The following PTPRG variants were observed in gnomAD, a reference collection of about 807,000 sequenced individuals.
The protein encoded by PTPRG is protein tyrosine phosphatase receptor type G, also known as receptor-type tyrosine-protein phosphatase gamma.
PTPRG carries 102 observed loss-of-function variants against 165.3 expected under a neutral mutation model. That is an observed-to-expected ratio of 0.62 (90% CI 0.53 to 0.73). The LOEUF is 0.73. Among genes scored for constraint, PTPRG ranks in the 30% least tolerant of loss-of-function variants. The pLI, the probability that PTPRG is intolerant of heterozygous loss-of-function variation, is 0.00. For missense variants in PTPRG, 1,866 were observed against 1,861.4 expected, an observed-to-expected ratio of 1.00 and a Z score of -0.05; for synonymous variants, 675 against 669.5, an observed-to-expected ratio of 1.01 and a Z score of -0.13.
At chr3:62,130,545 T>C (rs1703476091) in intron 5 of PTPRG, among the ~76,000 whole-genome samples, 1 of 152,214 alleles carries the variant, frequency 6.6e-6, no homozygotes, top group Non-Finnish European at 1.5e-5. Flanking sequence ...ATAGTTAAGC[T>C]GGCATCCCCA....
At chr3:62,223,138 A>C (rs149943014) in intron 13 of PTPRG, among the ~76,000 whole-genome samples, 1 of 152,190 alleles carries the variant, frequency 6.6e-6, no homozygotes, top group Non-Finnish European at 1.5e-5. Context: ...GGGGACAGCA[A>C]GGGCCGGATC....
Position 62,267,401 on chromosome 3 carries a change from C to A in PTPRG, c.2657-9C>A. On this transcript the variant is annotated splice_polypyrimidine_tract_variant and intron_variant, in intron 17 of 29. Transcript: ENST00000474889. ...TTTTATTTCTGTTTTTTTTTCTTATCTTCTATAGATGATCACAGTAGGGTG... is the reference window on the plus strand; with the variant it reads ...TTTTATTTCTGTTTTTTTTTCTTATATTCTATAGATGATCACAGTAGGGTG... The A allele has an allele frequency of 1.3e-6, 2 of 1,568,932 alleles. No homozygotes were observed. Among genetic ancestry groups the A allele is most frequent in the South Asian group, 1.2e-5 (1 of 86,228 alleles).
intron 1 of PTPRG, among the ~76,000 whole-genome samples, chr3:61,576,677 AAG>A (rs1700179745): frequency 2.0e-5 from 3 of 152,208 alleles, no homozygotes; most frequent in Non-Finnish European, 2.9e-5. Flanking sequence ...TAGCATGAGA[AAG>A]AGAGGTGTAT....
rs79446264 is a variant in PTPRG, at chr3:61,653,906, C to T, written c.85+91534C>T. 2.6e-4 allele frequency among the ~76,000 whole-genome samples: 20 copies of T among 77,990 alleles called. No homozygotes were observed. In the East Asian group the frequency reaches 6.2e-3, roughly 24 times the overall value. 51.2% of individuals were successfully genotyped at this position (77,990 alleles called of 152,430 possible). On this transcript the variant is annotated intron_variant, in intron 1 of 29. Coordinates refer to ENST00000474889, the MANE Select transcript of PTPRG (RefSeq NM_002841.4). ...TTGTTAAGCGGGGAGCGGTGGGGGG[C>T]GCGGGGAACTGTAAGGGAACATGTA...
Position 62,219,060 on chromosome 3 carries a change from A to G in PTPRG, c.2288+77A>G. The stretch of plus-strand genomic sequence containing the variant: ...GTTTTGCTCACGGGAGGGGAATCCC[A>G]CGGCCTCTGCATTCAGGAAGGTGAG... On this transcript the variant is annotated intron_variant, in intron 13 of 29. Coordinates refer to ENST00000474889, the MANE Select transcript of PTPRG (RefSeq NM_002841.4). This position sits in a 1 kb window ranked among gnomAD's most constrained non-coding sequence, Gnocchi z 4.5. 6.5e-7 allele frequency: 1 copy of G among 1,549,450 alleles called. No individual in the cohort carries two copies. The highest frequency in any genetic ancestry group is 8.8e-7 in the Non-Finnish European group (1 of 1,139,144).
intron 2 of PTPRG, among the ~76,000 whole-genome samples, chr3:61,899,986 T>C (rs1340269393): frequency 2.0e-5 from 3 of 152,226 alleles, no homozygotes; most frequent in African/African-American, 7.2e-5. Context: ...CTTTAAAAAA[T>C]GACTGCAAAG....
At chr3:61,806,627 G>A (rs1221044676) in intron 2 of PTPRG, among the ~76,000 whole-genome samples, 1 of 152,094 alleles carries the variant, frequency 6.6e-6, no homozygotes, top group Non-Finnish European at 1.5e-5. Context: ...ATATGTGATA[G>A]GGTAGTTAGC....
rs1477486374 is a variant in PTPRG, at chr3:62,271,060, A to G, written c.3010-323A>G. ...GTACTAAGATCTGGACTTGGGGCAG[A>G]AAGTCAGGAAATGGAGGCCTTGCAG... On this transcript the variant is annotated intron_variant, in intron 20 of 29. Coordinates refer to ENST00000474889, the MANE Select transcript of PTPRG (RefSeq NM_002841.4). This position sits in a 1 kb window ranked among gnomAD's most constrained non-coding sequence, Gnocchi z 4.1. 1.3e-5 allele frequency among the ~76,000 whole-genome samples: 2 copies of G among 152,190 alleles called. No individual in the cohort carries two copies. Among genetic ancestry groups the G allele is most frequent in the Non-Finnish European group, 2.9e-5 (2 of 68,034 alleles).
At chr3:62,007,397 G>A (rs1275815174) in intron 4 of PTPRG, among the ~76,000 whole-genome samples, 4 of 152,188 alleles carry the variant, frequency 2.6e-5, no homozygotes, top group African/African-American at 7.2e-5. Flanking sequence ...AAAACAAGAC[G>A]AAAGCTCTTC....
intron 5 of PTPRG, among the ~76,000 whole-genome samples, chr3:62,080,075 T>TTTTC: frequency 6.7e-6 from 1 of 149,888 alleles, no homozygotes; most frequent in African/African-American, 2.5e-5. Flanking sequence ...TTTTTTTTTT[T>TTTTC]TTTTTTTGAG....
chr3:62,099,613 T>G (rs914144147), intron 5 of PTPRG, among the ~76,000 whole-genome samples: 2 of 152,106 alleles, frequency 1.3e-5, no homozygotes, highest in Admixed American at 1.3e-4. Flanking sequence ...AGACTTTTAA[T>G]GACATGAGCC....
chr3:61,659,876 T>C (rs1011101331), intron 1 of PTPRG, among the ~76,000 whole-genome samples: 1 of 152,148 alleles, frequency 6.6e-6, no homozygotes, highest in East Asian at 1.9e-4. Context: ...TAAGGAAAAC[T>C]AGAGTTTTTC....
intron 2 of PTPRG, among the ~76,000 whole-genome samples, chr3:61,821,489 C>G (rs927853564): frequency 1.3e-5 from 2 of 152,158 alleles, no homozygotes; most frequent in Non-Finnish European, 2.9e-5. Context: ...CTTAAGTTGA[C>G]AGAAAAGGAG....
At chr3:61,992,358 A>T (rs2040917367) in intron 3 of PTPRG, among the ~76,000 whole-genome samples, 3 of 151,802 alleles carry the variant, frequency 2.0e-5, no homozygotes, top group Admixed American at 2.0e-4. Flanking sequence ...AACTTCCTTC[A>T]TTTGGTAGGT....
intron 5 of PTPRG, among the ~76,000 whole-genome samples, chr3:62,120,947 G>A (rs1703044271): frequency 6.6e-6 from 1 of 151,648 alleles, no homozygotes; most frequent in South Asian, 2.1e-4. Flanking sequence ...ATGGCTTATA[G>A]CTATAGGTTT....
At chr3:61,897,786 A>G (rs1010304739) in intron 2 of PTPRG, among the ~76,000 whole-genome samples, 5 of 152,164 alleles carry the variant, frequency 3.3e-5, no homozygotes, top group African/African-American at 4.8e-5. Context: ...GATACTGTAC[A>G]TGTTTTGTGT....
chr3:61,661,106 C>T (rs1702650431), intron 1 of PTPRG, among the ~76,000 whole-genome samples: 1 of 151,888 alleles, frequency 6.6e-6, no homozygotes, highest in African/African-American at 2.4e-5. Flanking sequence ...AAGAGTCTTG[C>T]TCAGTTGTCC....
chr3:61,850,054 A>G (rs1427324776), intron 2 of PTPRG, among the ~76,000 whole-genome samples: 1 of 152,116 alleles, frequency 6.6e-6, no homozygotes, highest in Non-Finnish European at 1.5e-5. Context: ...TTCTTCTCAA[A>G]TAAAAGCTAG....
intron 2 of PTPRG, among the ~76,000 whole-genome samples, chr3:61,787,181 C>A (rs2034731493): frequency 6.6e-6 from 1 of 152,210 alleles, no homozygotes; most frequent in South Asian, 2.1e-4. Context: ...TTCTTCTCTC[C>A]GTCCTAACCC....
Sources: allele counts gnomAD v4.1 joint callset (sites outside exome capture counted in the v4.1 genomes callset), GRCh38; gene constraint gnomAD v4.1.1; non-coding constraint Gnocchi (gnomAD v3.1); transcripts MANE v1.5; gene names NCBI Gene and HGNC (gene_info 2026-07-23, HGNC 2026-07-21).